The following UBL3 variants were observed in gnomAD, a reference collection of about 807,000 sequenced individuals.
The protein encoded by UBL3 is ubiquitin-like protein 3.
Under a neutral mutation model 18.4 loss-of-function variants are expected in UBL3, and 6 were observed. That is an observed-to-expected ratio of 0.33 (90% CI 0.18 to 0.64). The LOEUF (loss-of-function observed/expected upper bound fraction) is 0.64, where lower values mean the gene tolerates loss of function less well. Ranked by LOEUF, UBL3 falls within the 30% of genes least tolerant of loss-of-function variation. UBL3 has a pLI of 0.76. For synonymous variants in UBL3, 49 were observed against 46.6 expected (o/e 1.05, Z -0.21); for missense variants, 109 against 142.9 (o/e 0.76, Z 1.21).
intron 1 of UBL3, 67 bp downstream of exon 1, chr13:29,849,445 C>A: frequency 6.2e-7 from 1 of 1,608,482 alleles, no homozygotes. Flanking sequence ...CCACGCCTGC[C>A]GTCTTTCCGA....
chr13:29,797,132 C>A (rs866561549), intron 1 of UBL3, among the ~76,000 whole-genome samples: 2 of 152,064 alleles, frequency 1.3e-5, no homozygotes, highest in Non-Finnish European at 2.9e-5. Flanking sequence ...GAAAAAAATT[C>A]TTAATGTATT....
chr13:29,770,990 C>A (rs1876826843), intron 3 of UBL3, among the ~76,000 whole-genome samples: 1 of 152,026 alleles, frequency 6.6e-6, no homozygotes, highest in African/African-American at 2.4e-5. Flanking sequence ...CATTTGCATT[C>A]ATCTACTTTA....
chr13:29,823,873 A>G (rs1237818444), intron 1 of UBL3, among the ~76,000 whole-genome samples: 1 of 55,760 alleles, frequency 1.8e-5, no homozygotes, highest in Non-Finnish European at 3.4e-5. Context: ...CCATCCAACC[A>G]CAGGCCCCAG....
At chr13:29,840,783 T>C (rs1394447616) in intron 1 of UBL3, among the ~76,000 whole-genome samples, 1 of 152,200 alleles carries the variant, frequency 6.6e-6, no homozygotes, top group East Asian at 1.9e-4. Flanking sequence ...TGTTTAAGAA[T>C]ATCCATTATG....
At chr13:29,847,936 C>T (rs1879269316) in intron 1 of UBL3, among the ~76,000 whole-genome samples, 1 of 152,052 alleles carries the variant, frequency 6.6e-6, no homozygotes, top group Admixed American at 6.6e-5. Context: ...GGACAACGCA[C>T]GAGTTTTAGG....
intron 1 of UBL3, among the ~76,000 whole-genome samples, chr13:29,825,769 G>C (rs866213914): frequency 6.6e-6 from 1 of 152,152 alleles, no homozygotes; most frequent in Non-Finnish European, 1.5e-5. Flanking sequence ...TCCCTGTCTT[G>C]TGCCAGTTTT....
intron 1 of UBL3, among the ~76,000 whole-genome samples, chr13:29,838,994 C>A (rs1879026817): frequency 6.6e-6 from 1 of 152,052 alleles, no homozygotes; most frequent in South Asian, 2.1e-4. Flanking sequence ...TGTTACTAGA[C>A]AGGAAGACAG....
chr13:29,783,019 A>C (rs1441200503), intron 1 of UBL3, among the ~76,000 whole-genome samples: 1 of 152,236 alleles, frequency 6.6e-6, no homozygotes, highest in African/African-American at 2.4e-5. Flanking sequence ...GATGCAACTG[A>C]AAGTGCAGAC....
At chr13:29,800,909 A>AC (rs147779418) in intron 1 of UBL3, among the ~76,000 whole-genome samples, 8,323 of 151,254 alleles carry the variant, frequency 0.055, 335 homozygotes, top group Non-Finnish European at 0.082. Context: ...ACTGACAGGG[A>AC]CCCCCCCACG....
intron 1 of UBL3, among the ~76,000 whole-genome samples, chr13:29,839,481 T>C (rs547745209): frequency 6.6e-6 from 1 of 152,150 alleles, no homozygotes; most frequent in Admixed American, 6.5e-5. Context: ...ATTCCAAAAA[T>C]ATTCCAAAAA....
At chr13:29,805,887 T>C (rs939378228) in intron 1 of UBL3, among the ~76,000 whole-genome samples, 2 of 152,170 alleles carry the variant, frequency 1.3e-5, no homozygotes, top group African/African-American at 4.8e-5. Flanking sequence ...TCCAAAGTAG[T>C]ACCTTGTGGC....
At chr13:29,844,118 T>C (rs1593679476) in intron 1 of UBL3, among the ~76,000 whole-genome samples, 2 of 152,216 alleles carry the variant, frequency 1.3e-5, no homozygotes, top group African/African-American at 4.8e-5. Context: ...GAGAAACTCA[T>C]GGTGCTGTTG....
intron 1 of UBL3, among the ~76,000 whole-genome samples, chr13:29,784,004 C>A (rs571388041): frequency 6.6e-6 from 1 of 152,184 alleles, no homozygotes; most frequent in South Asian, 2.1e-4. Context: ...TGAGACAAAA[C>A]AAATCAGACA....
intron 3 of UBL3, among the ~76,000 whole-genome samples, chr13:29,770,718 A>G (rs532397396): frequency 6.6e-6 from 1 of 152,142 alleles, no homozygotes; most frequent in Admixed American, 6.6e-5. Flanking sequence ...AAAAGACTAG[A>G]ACATGGTCCC....
At chr13:29,835,372 G>T (rs1878935031) in intron 1 of UBL3, among the ~76,000 whole-genome samples, 1 of 150,368 alleles carries the variant, frequency 6.7e-6, no homozygotes, top group Admixed American at 6.6e-5. Context: ...ATGCAGAGAG[G>T]GTATAGAAGT....
intron 2 of UBL3, among the ~76,000 whole-genome samples, chr13:29,774,624 G>A (rs772206487): frequency 6.6e-5 from 10 of 151,814 alleles, no homozygotes; most frequent in African/African-American, 9.7e-5. Context: ...GAAACTAGCC[G>A]CTTGGTTACT....
chr13:29,811,190 C>T (rs1453731831), intron 1 of UBL3, among the ~76,000 whole-genome samples: 1 of 152,000 alleles, frequency 6.6e-6, no homozygotes, highest in Non-Finnish European at 1.5e-5. Context: ...GGATACTGGT[C>T]CCTCGAGGGT....
chr13:29,765,467 T>C lies in UBL3; in HGVS notation c.*1788A>G, dbSNP rs994687037. ...AATTAACCAGGTTAAATATCAAAGA[T>C]ACATTGGGAATACTCCCCAAAACAA... On this transcript the variant is annotated 3_prime_UTR_variant, in exon 5 of 5. Coordinates refer to ENST00000380680, the MANE Select transcript of UBL3 (RefSeq NM_007106.4). 1 of 152,130 alleles carries C rather than the reference T, an allele frequency of 6.6e-6. No individual in the cohort carries two copies. The highest frequency in any genetic ancestry group is 2.4e-5 in the African/African-American group (1 of 41,442). The allele number at this position is 152,130 out of a possible 1,614,324, so 9.4% of individuals were successfully genotyped here. A position where few individuals can be genotyped will look rare whatever the true frequency, so the allele number is the denominator to read the frequency against.
At chr13:29,832,272 C>G (rs1878796710) in intron 1 of UBL3, among the ~76,000 whole-genome samples, 1 of 151,730 alleles carries the variant, frequency 6.6e-6, no homozygotes, top group African/African-American at 2.4e-5. Flanking sequence ...GCAACTAATT[C>G]TGTGGCCTAG....
Sources: allele counts gnomAD v4.1 joint callset (sites outside exome capture counted in the v4.1 genomes callset), GRCh38; gene constraint gnomAD v4.1.1; transcripts MANE v1.5; gene names NCBI Gene and HGNC (gene_info 2026-07-23, HGNC 2026-07-21).